DIP2C: variants seen among roughly 807,000 people sequenced by gnomAD.
DIP2C encodes the protein DIP2 acetate--CoA ligase C (putative).
Under a neutral mutation model 192.4 loss-of-function variants are expected in DIP2C, and 33 were observed. That is an observed-to-expected ratio of 0.17 (90% confidence interval 0.13 to 0.23). The LOEUF is 0.23. Among genes scored for constraint, DIP2C ranks in the 10% least tolerant of loss-of-function variants. The pLI is 1.00. For missense variants in DIP2C, 1,537 were observed against 2,110.1 expected, an observed-to-expected ratio of 0.73 and a Z score of 5.32; for synonymous variants, 979 against 864.1, an observed-to-expected ratio of 1.13 and a Z score of -2.33.
In DIP2C at chr10:363,350, A is replaced by T; in HGVS notation, c.2478-39T>A. 6.4e-7 allele frequency: 1 copy of T among 1,572,368 alleles called. No homozygotes were observed. Among genetic ancestry groups the T allele is most frequent in the Non-Finnish European group, 8.7e-7 (1 of 1,151,164 alleles). On this transcript the variant is annotated intron_variant, in intron 20 of 36. Transcript: ENST00000280886. This position sits in a 1 kb window ranked among gnomAD's most constrained non-coding sequence, Gnocchi z 5.4. Reference sequence around the variant, plus strand: ...GGAGCATGGTGAGCACGCGCCGGGGACGCTCATGCAGCCCTCCCTCCGCCA... The same window carrying T: ...GGAGCATGGTGAGCACGCGCCGGGGTCGCTCATGCAGCCCTCCCTCCGCCA...
intron 7 of DIP2C, among the ~76,000 whole-genome samples, chr10:414,502 A>C (rs1253243424): frequency 6.6e-6 from 1 of 152,060 alleles, no homozygotes; most frequent in Non-Finnish European, 1.5e-5. Context: ...TTTTGTCCTG[A>C]AAGATTAATG....
At chr10:414,756 T>TATATAA (rs1435691808) in intron 7 of DIP2C, among the ~76,000 whole-genome samples, 4 of 132,766 alleles carry the variant, frequency 3.0e-5, no homozygotes, top group Non-Finnish European at 6.4e-5. Context: ...TATATATATA[T>TATATAA]AATGTGTATA....
At chr10:417,744 G>C (rs1332130624) in intron 6 of DIP2C, among the ~76,000 whole-genome samples, 2 of 134,626 alleles carry the variant, frequency 1.5e-5, no homozygotes, top group African/African-American at 3.0e-5. Flanking sequence ...GCCTGTCAGG[G>C]CTCGGATAGG....
Position 366,442 on chromosome 10 carries a change from TGA to T in DIP2C, c.2132-33_2132-32del, listed in dbSNP as rs758628988. On this transcript the variant is annotated intron_variant, in intron 18 of 36. Coordinates refer to ENST00000280886, the MANE Select transcript of DIP2C (RefSeq NM_014974.3). ...AGCAAACAGGAAAGCACATGCAGTG[TGA>T]GAGGGGGCAGGTGGGGAGAATAAAG... 16 of 1,613,388 alleles carry T rather than the reference TGA, an allele frequency of 9.9e-6. No homozygotes were observed. In the South Asian group the frequency reaches 1.4e-4, roughly 14 times the overall value.
At chr10:544,178 C>G (rs1848158765) in intron 1 of DIP2C, among the ~76,000 whole-genome samples, 1 of 151,178 alleles carries the variant, frequency 6.6e-6, no homozygotes, top group Non-Finnish European at 1.5e-5. Flanking sequence ...CGGCATCTTT[C>G]CCGTTCAAGG....
At chr10:646,549 G>C (rs1419244935) in intron 1 of DIP2C, among the ~76,000 whole-genome samples, 1 of 152,210 alleles carries the variant, frequency 6.6e-6, no homozygotes, top group African/African-American at 2.4e-5. Context: ...TTAAGCACAA[G>C]TACAGTGAGA....
chr10:666,867 A>C lies in DIP2C; in HGVS notation c.85+22627T>G, dbSNP rs966625329. On this transcript the variant is annotated intron_variant, in intron 1 of 36. Coordinates refer to ENST00000280886, the MANE Select transcript of DIP2C (RefSeq NM_014974.3). This position sits in a 1 kb window ranked among gnomAD's most constrained non-coding sequence, Gnocchi z 4.1. ...ACCCCGGCCGGCAAGCTGCCCCAAG[A>C]AGCAGTGCGCCTCCCAAAATCAGAA... is the stretch of plus-strand genomic sequence containing the variant. The C allele has an allele frequency of 3.9e-5, 6 of 152,262 alleles. No homozygotes were observed. Among genetic ancestry groups the C allele is most frequent in the Non-Finnish European group, 8.8e-5 (6 of 68,130 alleles). 9.4% of individuals were successfully genotyped at this position (152,262 alleles called of 1,614,324 possible). A position where few individuals can be genotyped will look rare whatever the true frequency, so the allele number is the denominator to read the frequency against.
Position 327,110 on chromosome 10 carries a change from C to T in DIP2C, c.3820G>A (p.Ala1274Thr), listed in dbSNP as rs780701624. 7.4e-5 allele frequency: 120 copies of T among 1,613,962 alleles called. No homozygotes were observed. The highest frequency in any genetic ancestry group is 9.7e-5 in the Non-Finnish European group (115 of 1,180,016). The stretch of plus-strand genomic sequence containing the variant: ...AGCTTTGAGAACGACTGTGTGAGTG[C>T]GATCCGAGGCCTCTCTTCCGCCACA... ...VVVAEERPRI[A>T]LTQSFSKLFK... Residue 1274 changes from alanine (A) to threonine (T), a missense_variant, in exon 31 of 37, where the codon GCA (alanine) becomes ACA (threonine). Physicochemically the swap from Ala to Thr is moderately conservative, Grantham distance 58 (BLOSUM62 0). This residue lies in a region of DIP2C where 341 missense variants were observed against 551.7 expected (regional missense o/e 0.62). Coordinates refer to ENST00000280886, the MANE Select transcript of DIP2C (RefSeq NM_014974.3).
At position 418,595 on chromosome 10, in the gene DIP2C, G is replaced by A. The variant is rs546254077; in HGVS notation, c.739+470C>T. On this transcript the variant is annotated intron_variant, in intron 6 of 36. Transcript: ENST00000280886. ...GCCCTCGGCCACAGCCTGTTACCAA[G>A]TCACCGATATCTCTGTCCAACGTGG... Among the ~76,000 whole-genome samples the A allele has an allele frequency of 2.0e-5, 3 of 152,336 alleles. No homozygotes were observed. The South Asian group carries it at 6.2e-4, about 32-fold the overall frequency.
intron 10 of DIP2C, among the ~76,000 whole-genome samples, chr10:391,768 C>A (rs922381331): frequency 1.2e-4 from 18 of 152,164 alleles, no homozygotes; most frequent in Non-Finnish European, 2.4e-4. Flanking sequence ...AATTATGGAC[C>A]CTACAAGGCC....
At chr10:386,098 A>G (rs1962878467) in intron 14 of DIP2C, among the ~76,000 whole-genome samples, 1 of 152,172 alleles carries the variant, frequency 6.6e-6, no homozygotes, top group Non-Finnish European at 1.5e-5. Flanking sequence ...AGGCCTCGAA[A>G]GCAGGGCTGT....
intron 1 of DIP2C, among the ~76,000 whole-genome samples, chr10:495,296 T>C (rs993794303): frequency 2.6e-5 from 4 of 152,156 alleles, no homozygotes; most frequent in Non-Finnish European, 4.4e-5. Context: ...AGATCGAATG[T>C]ACAGTGTGGT....
rs976714362 is a variant in DIP2C at position 651,718 on chromosome 10, G to A, written c.85+37776C>T. On this transcript the variant is annotated intron_variant, in intron 1 of 36. Coordinates refer to ENST00000280886, the MANE Select transcript of DIP2C (RefSeq NM_014974.3). This position sits in a 1 kb window ranked among gnomAD's most constrained non-coding sequence, Gnocchi z 4.1. Reference sequence around the variant, plus strand: ...GGACTTTTGCTAAATGGTGCCCTTAGCACAGGAGTCTCTCCAAGGAAGTGG... The same window carrying A: ...GGACTTTTGCTAAATGGTGCCCTTAACACAGGAGTCTCTCCAAGGAAGTGG... 12 of 342,304 alleles carry A rather than the reference G, an allele frequency of 3.5e-5. No homozygotes were observed. Among genetic ancestry groups the A allele is most frequent in the Non-Finnish European group, 6.2e-5 (11 of 176,444 alleles). 21.2% of individuals were successfully genotyped at this position (342,304 alleles called of 1,614,324 possible).
intron 1 of DIP2C, among the ~76,000 whole-genome samples, chr10:566,457 G>A (rs1849473377): frequency 6.6e-6 from 1 of 152,190 alleles, no homozygotes; most frequent in Non-Finnish European, 1.5e-5. Context: ...CTCTCGAGTA[G>A]CACACCACAA....
intron 3 of DIP2C, among the ~76,000 whole-genome samples, chr10:460,430 G>A (rs1417449909): frequency 6.6e-6 from 1 of 152,212 alleles, no homozygotes; most frequent in Non-Finnish European, 1.5e-5. Flanking sequence ...TATGTACTAT[G>A]ATGAAGAGCT....
intron 5 of DIP2C, among the ~76,000 whole-genome samples, chr10:422,405 G>C (rs1305660907): frequency 6.6e-6 from 1 of 152,182 alleles, no homozygotes; most frequent in Non-Finnish European, 1.5e-5. Flanking sequence ...AAAGCAGTGT[G>C]CCGGCCCCCA....
chr10:293,316 C>G (rs1209767179), intron 32 of DIP2C, among the ~76,000 whole-genome samples: 1 of 152,210 alleles, frequency 6.6e-6, no homozygotes, highest in African/African-American at 2.4e-5. Context: ...TCAAGGGGAG[C>G]AAACAGGACG....
At chr10:538,584 T>C (rs1011628644) in intron 1 of DIP2C, among the ~76,000 whole-genome samples, 20 of 152,186 alleles carry the variant, frequency 1.3e-4, no homozygotes, top group Non-Finnish European at 8.8e-5. Flanking sequence ...GGGGCCTGCC[T>C]GTGCTCTCAG....
intron 1 of DIP2C, among the ~76,000 whole-genome samples, chr10:681,867 G>A (rs1831147006): frequency 6.6e-6 from 1 of 152,238 alleles, no homozygotes; most frequent in Admixed American, 6.5e-5. Flanking sequence ...CCTTGGGAGA[G>A]GTCCCTGTTC....
Sources: allele counts gnomAD v4.1 joint callset (sites outside exome capture counted in the v4.1 genomes callset), GRCh38; gene constraint gnomAD v4.1.1; regional missense constraint gnomAD v4.1.1; non-coding constraint Gnocchi (gnomAD v3.1); transcripts MANE v1.5; gene names NCBI Gene and HGNC (gene_info 2026-07-23, HGNC 2026-07-21).